CCZ1: variants seen among roughly 807,000 people sequenced by gnomAD.
CCZ1 encodes the protein vacuolar fusion protein CCZ1 homolog.
In CCZ1, 19 loss-of-function variants were observed where a neutral mutation model predicts 57.8. The ratio of observed to expected loss-of-function variants is 0.33; its 90% CI spans 0.23 to 0.48. The LOEUF (loss-of-function observed/expected upper bound fraction) is 0.48. Ranked by LOEUF, CCZ1 falls within the 20% of genes least tolerant of loss-of-function variation. The pLI, the probability that CCZ1 is intolerant of heterozygous loss-of-function variation, is 0.99. For missense variants in CCZ1, 200 were observed against 492.0 expected (o/e 0.41, Z 5.61); for synonymous variants, 81 against 167.0 (o/e 0.49, Z 3.97).
At chr7:5,902,611 A>C (rs1237316254) in intron 5 of CCZ1, 50 bp from the exon 6 acceptor site, 1 of 1,540,448 alleles carries the variant, frequency 6.5e-7, no homozygotes, top group Non-Finnish European at 8.6e-7. Flanking sequence ...ATACTGAAAA[A>C]GTGAGCATAG....
chr7:5,909,728 A>G (rs980045227), intron 7 of CCZ1, among the ~76,000 whole-genome samples: 2 of 145,950 alleles, frequency 1.4e-5, no homozygotes, highest in African/African-American at 5.1e-5. Flanking sequence ...ATTTTTTTTA[A>G]TAAAAAATGA....
chr7:5,920,863 T>A (rs1779228476), intron 12 of CCZ1, among the ~76,000 whole-genome samples: 1 of 119,506 alleles, frequency 8.4e-6, no homozygotes, highest in South Asian at 2.4e-4. Context: ...TGCTTTTAAA[T>A]GGGCTCTCTA....
chr7:5,904,500 A>T lies in CCZ1; in HGVS notation c.523-594A>T, dbSNP rs1781757478. 1.4e-5 allele frequency among the ~76,000 whole-genome samples: 2 copies of T among 145,866 alleles called. 1 individual carries two copies. Among genetic ancestry groups the T allele is most frequent in the Non-Finnish European group, 3.0e-5 (2 of 67,346 alleles). The stretch of plus-strand genomic sequence containing the variant: ...GAGGCCAGAAGTTCAAGACCAGCCT[A>T]GGCAACATAGCAAGACTCTGTCTAT... On this transcript the variant is annotated intron_variant, in intron 6 of 14. Transcript: ENST00000325974.
At chr7:5,911,372 T>A (rs892914985) in intron 8 of CCZ1, among the ~76,000 whole-genome samples, 1 of 149,012 alleles carries the variant, frequency 6.7e-6, no homozygotes, top group Non-Finnish European at 1.5e-5. Flanking sequence ...CTCACTTTGT[T>A]GACTCGCATG....
At position 5,904,001 on chromosome 7, in the gene CCZ1, GA is replaced by G. The variant is rs1273157704; in HGVS notation, c.523-1090del. Among the ~76,000 whole-genome samples the G allele has an allele frequency of 2.5e-4, 34 of 136,772 alleles. 1 individual carries two copies. The highest frequency in any genetic ancestry group is 7.2e-3 in the Middle Eastern group (2 of 278). The allele number at this position is 136,772 out of a possible 152,430, so 89.7% of individuals were successfully genotyped here. A position where few individuals can be genotyped will look rare whatever the true frequency, so the allele number is the denominator to read the frequency against. On this transcript the variant is annotated intron_variant, in intron 6 of 14. Coordinates refer to ENST00000325974, the MANE Select transcript of CCZ1 (RefSeq NM_015622.6). ...AGACCAAGACTCCATCTCGGGGGGG[GA>G]AATAAAGATGGCACTCTCTGTAGTA...
chr7:5,900,473 G>A lies in CCZ1; in HGVS notation c.219G>A (p.Arg73=). 6.3e-7 allele frequency: 1 copy of A among 1,596,734 alleles called. No individual in the cohort carries two copies. Among genetic ancestry groups the A allele is most frequent in the South Asian group, 1.1e-5 (1 of 88,146 alleles). Residue 73 remains arginine (R), a splice_region_variant and synonymous_variant, in exon 3 of 15, where the codon AGG becomes AGA. Coordinates refer to ENST00000325974, the MANE Select transcript of CCZ1 (RefSeq NM_015622.6). ...AAACATATTTTTTTAACCTTTGTAG[G>A]ACATTTAGCCCATCAAAACCTGCAA... ...GLCEAIVQFT[R]TFSPSKPAKS... is the part of the protein sequence containing the mutation.
chr7:5,925,197 C>T (rs1779337552), intron 14 of CCZ1, among the ~76,000 whole-genome samples: 2 of 50,568 alleles, frequency 4.0e-5, no homozygotes, highest in Admixed American at 3.8e-4. Flanking sequence ...TTCCCCTCTT[C>T]TACTTGTTAA....
intron 10 of CCZ1, among the ~76,000 whole-genome samples, chr7:5,914,523 A>G (rs1779109992): frequency 6.7e-6 from 1 of 148,762 alleles, no homozygotes; most frequent in African/African-American, 2.5e-5. Context: ...TCTGAGAGAA[A>G]ATGAATTTGA....
chr7:5,914,417 C>T lies in CCZ1; in HGVS notation c.954+1463C>T, dbSNP rs1282670779. On this transcript the variant is annotated intron_variant, in intron 10 of 14. Transcript: ENST00000325974. Reference sequence around the variant, plus strand: ...CACCACTGCATTCTAGCCTGGGTGACAGAGTGAAACCCTCTCAAAAATAAT... The same window carrying T: ...CACCACTGCATTCTAGCCTGGGTGATAGAGTGAAACCCTCTCAAAAATAAT... Among the ~76,000 whole-genome samples the T allele has an allele frequency of 7.4e-5, 11 of 148,984 alleles. 1 individual carries two copies. Among genetic ancestry groups the T allele is most frequent in the Non-Finnish European group, 1.6e-4 (11 of 67,750 alleles).
chr7:5,923,325 TA>T, intron 12 of CCZ1, 61 bp from the exon 13 acceptor site: 1 of 130,168 alleles, frequency 7.7e-6, no homozygotes, highest in Non-Finnish European at 1.5e-5. Context: ...AAAAAAATTT[TA>T]AAAGAAGAAT....
chr7:5,918,887 CT>C lies in CCZ1; in HGVS notation c.978del (p.Phe326LeufsTer2). The C allele has an allele frequency of 1.0e-6, 1 of 984,430 alleles. No individual in the cohort carries two copies. The highest frequency in any genetic ancestry group is 1.5e-6 in the Non-Finnish European group (1 of 653,602). The allele number at this position is 984,430 out of a possible 1,614,324, so 61.0% of individuals were successfully genotyped here. On this transcript the variant is annotated frameshift_variant, in exon 11 of 15. Transcript: ENST00000325974. LOFTEE classifies it high-confidence loss of function. ...CCCAGGCCATGAGTGCGGCTGTGTG[CT>C]TTATGATCGACGGTGGGTACGCGCC... ...VYKAMSAAVCFMIDASVHPTL... is the reference protein window; with the variant it reads ...VYKAMSAAVCXMIDASVHPTL...
At chr7:5,905,336 TTGA>T (rs1490473444) in intron 7 of CCZ1, 67 bp downstream of exon 7, 12 of 907,538 alleles carry the variant, frequency 1.3e-5, no homozygotes, top group Non-Finnish European at 1.9e-5. Flanking sequence ...AGTGACTGGA[TTGA>T]TGACAGGTTG....
At chr7:5,912,022 C>A in intron 9 of CCZ1, 100 bp downstream of exon 9, 1 of 1,577,594 alleles carries the variant, frequency 6.3e-7, no homozygotes, top group Non-Finnish European at 8.6e-7. Flanking sequence ...GGCAAGATCT[C>A]CGCTCACTGC....
intron 6 of CCZ1, among the ~76,000 whole-genome samples, chr7:5,904,088 A>AT (rs746657675): frequency 0.049 from 4,122 of 84,322 alleles, 169 homozygotes; most frequent in African/African-American, 0.092. Context: ...CAGGGAGTTA[A>AT]TTTTTTTTTT....
chr7:5,910,991 C>T (rs1205029750), intron 8 of CCZ1, among the ~76,000 whole-genome samples: 3 of 148,598 alleles, frequency 2.0e-5, no homozygotes, highest in Non-Finnish European at 4.4e-5. Context: ...CCGCCACAGC[C>T]TTCCAAAGTG....
At chr7:5,907,093 T>G (rs1781848033) in intron 7 of CCZ1, among the ~76,000 whole-genome samples, 1 of 149,406 alleles carries the variant, frequency 6.7e-6, no homozygotes. Flanking sequence ...ACTCCTGACC[T>G]CAAAGGATCC....
chr7:5,901,868 C>G, intron 5 of CCZ1, 164 bp downstream of exon 5: 1 of 565,486 alleles, frequency 1.8e-6, no homozygotes, highest in East Asian at 3.6e-5. Flanking sequence ...AGGTTTATGC[C>G]TACATTTATT....
chr7:5,899,803 T>G (rs2128609920), intron 1 of CCZ1, among the ~76,000 whole-genome samples: 1 of 151,834 alleles, frequency 6.6e-6, no homozygotes, highest in East Asian at 1.9e-4. Context: ...TTCAAATGGC[T>G]GGGAACTGAC....
At chr7:5,905,916 T>TTTCTTTCTTA (rs1781804841) in intron 7 of CCZ1, among the ~76,000 whole-genome samples, 1 of 138,394 alleles carries the variant, frequency 7.2e-6, no homozygotes, top group African/African-American at 2.7e-5. Flanking sequence ...TTTTTTTTTT[T>TTTCTTTCTTA]TCTTTCTTAT....
Sources: allele counts gnomAD v4.1 joint callset (sites outside exome capture counted in the v4.1 genomes callset), GRCh38; gene constraint gnomAD v4.1.1; transcripts MANE v1.5; gene names NCBI Gene and HGNC (gene_info 2026-07-23, HGNC 2026-07-21).